RAP1GAP2: variants seen among roughly 807,000 people sequenced by gnomAD.
RAP1GAP2 encodes the protein rap1 GTPase-activating protein 2.
RAP1GAP2 carries 27 observed loss-of-function variants against 95.0 expected under a neutral mutation model. The ratio of observed to expected loss-of-function variants is 0.28; its 90% CI spans 0.21 to 0.39. The LOEUF (loss-of-function observed/expected upper bound fraction) is 0.39. RAP1GAP2 is among the 10% of genes least tolerant of loss of function. The pLI is 1.00. For missense variants in RAP1GAP2, 771 were observed against 970.0 expected (o/e 0.79, Z 2.72); for synonymous variants, 373 against 380.9 (o/e 0.98, Z 0.24).
chr17:2,768,650 C>T (rs1329268881), intron 1 of RAP1GAP2, among the ~76,000 whole-genome samples: 2 of 149,032 alleles, frequency 1.3e-5, no homozygotes, highest in African/African-American at 5.0e-5. Flanking sequence ...TGAGATGAAG[C>T]CATTGCACTC....
intron 1 of RAP1GAP2, among the ~76,000 whole-genome samples, chr17:2,791,400 G>C (rs548447234): frequency 2.0e-5 from 3 of 152,214 alleles, no homozygotes; most frequent in East Asian, 1.9e-4. Flanking sequence ...CCAGGCATTG[G>C]GGGTAGCTGG....
chr17:2,914,937 G>A (rs1256614852), intron 3 of RAP1GAP2, among the ~76,000 whole-genome samples: 2 of 149,306 alleles, frequency 1.3e-5, no homozygotes, highest in East Asian at 4.0e-4. Flanking sequence ...GATTACAGGT[G>A]CCCGCCACCA....
At chr17:2,921,278 C>T (rs187740448) in intron 3 of RAP1GAP2, among the ~76,000 whole-genome samples, 30 of 152,132 alleles carry the variant, frequency 2.0e-4, no homozygotes, top group Admixed American at 2.0e-3. Context: ...TGGCTCACTG[C>T]ACCTTTCTGC....
At position 3,005,477 on chromosome 17, in the gene RAP1GAP2, G is replaced by A. The variant is rs867123787; in HGVS notation, c.1272+37G>A. 3.2e-6 allele frequency: 5 copies of A among 1,577,386 alleles called. No homozygotes were observed. Among genetic ancestry groups the A allele is most frequent in the Non-Finnish European group, 4.4e-6 (5 of 1,146,572 alleles). On this transcript the variant is annotated intron_variant, in intron 15 of 24. Coordinates refer to ENST00000254695, the MANE Select transcript of RAP1GAP2 (RefSeq NM_015085.5). The surrounding 1 kb of genome is among the most constrained non-coding windows in gnomAD (Gnocchi z 5.2). ...TTCCTTCTGCCCCTCTCGCATCCAC[G>A]ATGCCAGGTCTCAGTGCTTGAGTAG...
chr17:2,870,119 C>CTT lies in RAP1GAP2; in HGVS notation c.81-35151_81-35150dup, dbSNP rs1218487336. On this transcript the variant is annotated intron_variant, in intron 2 of 24. Transcript: ENST00000254695. The surrounding 1 kb of genome is among the most constrained non-coding windows in gnomAD (Gnocchi z 4.4). ...GCACTCTGTGCTGCTGCTTGACAAT[C>CTT]TTTTTTTTTTTTTTTGGAGATGGAG... 2.1e-5 allele frequency among the ~76,000 whole-genome samples: 3 copies of CTT among 141,238 alleles called. No individual in the cohort carries two copies. The highest frequency in any genetic ancestry group is 2.0e-4 in the East Asian group (1 of 4,886). The allele number at this position is 141,238 out of a possible 152,430, so 92.7% of individuals were successfully genotyped here. A position where few individuals can be genotyped will look rare whatever the true frequency, so the allele number is the denominator to read the frequency against.
At chr17:2,876,506 T>C (rs1191246468) in intron 2 of RAP1GAP2, among the ~76,000 whole-genome samples, 2 of 152,168 alleles carry the variant, frequency 1.3e-5, no homozygotes, top group Non-Finnish European at 2.9e-5. Flanking sequence ...ATTTTCTGAT[T>C]GGCAGTTCAT....
intron 14 of RAP1GAP2, among the ~76,000 whole-genome samples, chr17:3,002,472 A>G (rs953844055): frequency 1.3e-5 from 2 of 152,188 alleles, no homozygotes; most frequent in East Asian, 3.9e-4. Context: ...AGCGCTGTCC[A>G]TCCACACTCC....
rs775340599 is a variant in RAP1GAP2 at position 3,027,774 on chromosome 17, G to GGGGA, written c.2107+709_2107+712dup. On this transcript the variant is annotated intron_variant, in intron 22 of 24. Transcript: ENST00000254695. The surrounding 1 kb of genome is among the most constrained non-coding windows in gnomAD (Gnocchi z 5.2). Reference sequence around the variant, plus strand: ...TGGATTAGTAGAGAGCAGGAGCAGAGGGGAGGGATGGAGGGGAGGGGAGAG... The same window carrying GGGGA: ...TGGATTAGTAGAGAGCAGGAGCAGAGGGGAGGGAGGGATGGAGGGGAGGGGAGAG... Among the ~76,000 whole-genome samples the GGGGA allele has an allele frequency of 0.045, 6,608 of 146,820 alleles. 344 individuals are homozygous for GGGGA. The highest frequency in any genetic ancestry group is 0.067 in the Non-Finnish European group (4,447 of 65,950).
At chr17:2,812,905 G>A (rs1322906266) in intron 2 of RAP1GAP2, among the ~76,000 whole-genome samples, 5 of 150,978 alleles carry the variant, frequency 3.3e-5, no homozygotes, top group South Asian at 2.1e-4. Flanking sequence ...CAGGAGAATC[G>A]CTTGAACCCG....
At chr17:2,947,905 C>A (rs1305358100) in intron 3 of RAP1GAP2, among the ~76,000 whole-genome samples, 2 of 152,094 alleles carry the variant, frequency 1.3e-5, no homozygotes, top group African/African-American at 4.8e-5. Context: ...GTTTGCTTCT[C>A]CCCCCAGCAC....
At chr17:2,996,284 C>T (rs1379835480) in intron 13 of RAP1GAP2, among the ~76,000 whole-genome samples, 2 of 152,196 alleles carry the variant, frequency 1.3e-5, no homozygotes, top group Admixed American at 1.3e-4. Flanking sequence ...CTCTGACAGC[C>T]GTGCATCCCT....
intron 2 of RAP1GAP2, among the ~76,000 whole-genome samples, chr17:2,868,516 A>ATTTTTTTTTTTTT (rs71153307): frequency 4.1e-5 from 5 of 122,834 alleles, no homozygotes; most frequent in African/African-American, 1.5e-4. Flanking sequence ...ACCAGGTGCA[A>ATTTTTTTTTTTTT]TTTTTTTTTT....
At chr17:3,028,454 C>T (rs2047195514) in intron 22 of RAP1GAP2, among the ~76,000 whole-genome samples, 1 of 152,044 alleles carries the variant, frequency 6.6e-6, no homozygotes, top group African/African-American at 2.4e-5. Flanking sequence ...TTCTCTGACC[C>T]CAAATGACAT....
At chr17:2,980,208 G>T (rs1047028138) in intron 8 of RAP1GAP2, 79 bp from the exon 9 acceptor site, 2 of 1,405,728 alleles carry the variant, frequency 1.4e-6, no homozygotes, top group Non-Finnish European at 2.0e-6. Context: ...CTCCCAAAAT[G>T]CTGAGATGAC....
intron 8 of RAP1GAP2, among the ~76,000 whole-genome samples, chr17:2,969,493 A>ATTTT (rs2044761423): frequency 3.9e-5 from 4 of 101,876 alleles, no homozygotes; most frequent in African/African-American, 7.5e-5. Flanking sequence ...AAATATATAT[A>ATTTT]TTCTTTTTTT....
At chr17:2,839,509 G>A (rs1342317026) in intron 2 of RAP1GAP2, among the ~76,000 whole-genome samples, 2 of 152,068 alleles carry the variant, frequency 1.3e-5, no homozygotes, top group Admixed American at 6.6e-5. Flanking sequence ...AACCTAGACT[G>A]ATGTATGATC....
intron 1 of RAP1GAP2, among the ~76,000 whole-genome samples, chr17:2,764,956 A>C (rs1169040537): frequency 6.6e-6 from 1 of 152,102 alleles, no homozygotes; most frequent in African/African-American, 2.4e-5. Context: ...TGAGGAACCC[A>C]ACGATGGGGA....
At position 2,796,466 on chromosome 17, in the gene RAP1GAP2, G is replaced by T; in HGVS notation, c.-62G>T. The T allele has an allele frequency of 1.3e-6, 2 of 1,542,068 alleles. No individual in the cohort carries two copies. The highest frequency in any genetic ancestry group is 2.4e-5 in the East Asian group (1 of 40,886). ...GACCCCGCTGTACCACGGCCCTCTT[G>T]CGGACAGCCCCGGGGACGTCGTTGG... On this transcript the variant is annotated 5_prime_UTR_variant, in exon 1 of 25. Coordinates refer to ENST00000254695, the MANE Select transcript of RAP1GAP2 (RefSeq NM_015085.5). The surrounding 1 kb of genome is among the most constrained non-coding windows in gnomAD (Gnocchi z 4.7).
chr17:2,803,683 A>G (rs1283607247), intron 2 of RAP1GAP2, among the ~76,000 whole-genome samples: 3 of 152,212 alleles, frequency 2.0e-5, no homozygotes. Context: ...GTTTGCGACA[A>G]GCCTGACCAA....
Sources: allele counts gnomAD v4.1 joint callset (sites outside exome capture counted in the v4.1 genomes callset), GRCh38; gene constraint gnomAD v4.1.1; non-coding constraint Gnocchi (gnomAD v3.1); transcripts MANE v1.5; gene names NCBI Gene and HGNC (gene_info 2026-07-23, HGNC 2026-07-21).